Variants in NRXN3 observed in about 807,000 individuals in gnomAD.
NRXN3 encodes the protein neurexin III.
NRXN3 carries 32 observed loss-of-function variants against 137.6 expected under a neutral mutation model. The observed-to-expected ratio is 0.23, with a 90% CI of 0.18 to 0.31. The LOEUF (loss-of-function observed/expected upper bound fraction) is 0.31, where lower values mean the gene tolerates loss of function less well. Ranked by LOEUF, NRXN3 falls within the 10% of genes least tolerant of loss-of-function variation. The pLI is 1.00. For missense variants in NRXN3, 1,574 were observed against 2,062.5 expected, an observed-to-expected ratio of 0.76 and a Z score of 4.59; for synonymous variants, 798 against 784.5, an observed-to-expected ratio of 1.02 and a Z score of -0.29.
intron 1 of NRXN3, among the ~76,000 whole-genome samples, chr14:78,234,970 A>C (rs980412799): frequency 4.3e-5 from 6 of 140,434 alleles, no homozygotes; most frequent in Non-Finnish European, 7.7e-5. Context: ...ATTACATTTG[A>C]TTATCTGGCA....
chr14:79,180,825 A>C (rs903142206), intron 15 of NRXN3, among the ~76,000 whole-genome samples: 1 of 152,094 alleles, frequency 6.6e-6, no homozygotes, highest in Non-Finnish European at 1.5e-5. Context: ...CCTCAGACCT[A>C]ATAATCTTTA....
At chr14:78,262,062 C>T (rs531129561) in intron 2 of NRXN3, among the ~76,000 whole-genome samples, 60 of 152,156 alleles carry the variant, frequency 3.9e-4, no homozygotes, top group Admixed American at 1.8e-3. Flanking sequence ...CCAGGGTAGT[C>T]AGGGAGGTGT....
Position 78,412,644 on chromosome 14 carries a change from G to A in NRXN3, c.757+114784G>A, listed in dbSNP as rs541491793. Reference sequence around the variant, plus strand: ...ACCCAAGGTCACCCAGCCAGTAAGGGGAAGGGTGGGGATTTAAACCCAGGT... The same window carrying A: ...ACCCAAGGTCACCCAGCCAGTAAGGAGAAGGGTGGGGATTTAAACCCAGGT... On this transcript the variant is annotated intron_variant, in intron 4 of 20. Transcript: ENST00000335750. Among the ~76,000 whole-genome samples the A allele has an allele frequency of 2.0e-5, 3 of 152,282 alleles. No homozygotes were observed. The South Asian group carries it at 6.2e-4, about 32-fold the overall frequency.
intron 4 of NRXN3, among the ~76,000 whole-genome samples, chr14:78,491,943 G>A (rs2095675593): frequency 6.6e-6 from 1 of 152,120 alleles, no homozygotes; most frequent in Non-Finnish European, 1.5e-5. Context: ...CAGAAAGAAT[G>A]TGACGTTTGG....
intron 19 of NRXN3, 81 bp from the exon 20 acceptor site, chr14:79,805,031 A>G: frequency 1.1e-6 from 1 of 935,736 alleles, no homozygotes; most frequent in African/African-American, 1.6e-5. Context: ...TAAATCTTTG[A>G]TGTCTTTGTT....
At chr14:78,680,968 T>C (rs2098068729) in intron 6 of NRXN3, among the ~76,000 whole-genome samples, 1 of 152,200 alleles carries the variant, frequency 6.6e-6, no homozygotes, top group Non-Finnish European at 1.5e-5. Flanking sequence ...GATAAAAGTA[T>C]TATCAGAAAC....
intron 8 of NRXN3, among the ~76,000 whole-genome samples, chr14:78,798,712 A>G (rs2098829845): frequency 6.6e-6 from 1 of 152,204 alleles, no homozygotes; most frequent in African/African-American, 2.4e-5. Flanking sequence ...CTGCCTAGAC[A>G]TCCAGGCATT....
chr14:78,430,857 G>T (rs2093850700), intron 4 of NRXN3, among the ~76,000 whole-genome samples: 1 of 152,164 alleles, frequency 6.6e-6, no homozygotes, highest in Admixed American at 6.5e-5. Flanking sequence ...TGCAATTTTG[G>T]GGAGTCGATT....
At chr14:79,656,199 G>A (rs962963633) in intron 16 of NRXN3, among the ~76,000 whole-genome samples, 1 of 152,198 alleles carries the variant, frequency 6.6e-6, no homozygotes, top group Non-Finnish European at 1.5e-5. Flanking sequence ...GTTCCTCACA[G>A]CTGTGGTTGA....
intron 4 of NRXN3, among the ~76,000 whole-genome samples, chr14:78,599,358 G>A (rs974996905): frequency 1.9e-4 from 29 of 152,338 alleles, no homozygotes; most frequent in African/African-American, 4.3e-4. Flanking sequence ...GCTTTATAGC[G>A]TGTTGCATTT....
intron 16 of NRXN3, among the ~76,000 whole-genome samples, chr14:79,501,537 G>A (rs2096826444): frequency 6.6e-6 from 1 of 152,052 alleles, no homozygotes; most frequent in Non-Finnish European, 1.5e-5. Flanking sequence ...TGCATGGAAG[G>A]GCCACTGGAA....
intron 15 of NRXN3, among the ~76,000 whole-genome samples, chr14:79,040,368 A>G (rs2099623159): frequency 6.6e-6 from 1 of 152,230 alleles, no homozygotes; most frequent in African/African-American, 2.4e-5. Context: ...AGTTTGTTAC[A>G]TGTTCTAACA....
chr14:78,334,198 A>G (rs2081184589), intron 4 of NRXN3, among the ~76,000 whole-genome samples: 1 of 152,124 alleles, frequency 6.6e-6, no homozygotes, highest in Non-Finnish European at 1.5e-5. Context: ...GCTAACCAAG[A>G]GGAGATATTG....
chr14:79,826,036 T>G (rs1215427946), intron 20 of NRXN3, among the ~76,000 whole-genome samples: 4 of 152,036 alleles, frequency 2.6e-5, no homozygotes, highest in Middle Eastern at 3.4e-3. Context: ...CACTCTGTAA[T>G]CCAGGCTAGA....
At chr14:79,453,787 C>T (rs900465531) in intron 15 of NRXN3, among the ~76,000 whole-genome samples, 4 of 152,160 alleles carry the variant, frequency 2.6e-5, no homozygotes, top group African/African-American at 7.2e-5. Context: ...ACCCCAGATC[C>T]TTCTTTTTTT....
chr14:78,714,622 G>A (rs1021223020), intron 7 of NRXN3, 134 bp from the exon 8 acceptor site: 1 of 1,030,494 alleles, frequency 9.7e-7, no homozygotes, highest in Admixed American at 2.2e-5. Flanking sequence ...CCATTGTCTT[G>A]TAACATCTAA....
At chr14:78,779,596 G>T (rs1033660922) in intron 8 of NRXN3, among the ~76,000 whole-genome samples, 41 of 151,956 alleles carry the variant, frequency 2.7e-4, no homozygotes, top group Non-Finnish European at 5.1e-4. Flanking sequence ...CAGACTATTA[G>T]AATTAAAAAT....
chr14:79,641,828 C>A (rs2098435382), intron 16 of NRXN3, among the ~76,000 whole-genome samples: 1 of 135,382 alleles, frequency 7.4e-6, no homozygotes, highest in African/African-American at 2.5e-5. Flanking sequence ...GCAGGTCAAT[C>A]TGCTTCATTA....
intron 15 of NRXN3, among the ~76,000 whole-genome samples, chr14:79,436,352 T>C (rs575040854): frequency 6.6e-6 from 1 of 152,348 alleles, no homozygotes; most frequent in African/African-American, 2.4e-5. Context: ...CTCTCTGGTG[T>C]TTGAATGCAC....
Sources: gnomAD v4.1 joint callset for allele counts (sites outside exome capture counted in the v4.1 genomes callset) on GRCh38, gnomAD v4.1.1 for gene constraint, MANE v1.5 for transcripts, NCBI Gene and HGNC (gene_info 2026-07-23, HGNC 2026-07-21) for gene names.